NCBP1: variants seen among roughly 807,000 people sequenced by gnomAD.
NCBP1 encodes nuclear cap binding protein subunit 1.
In NCBP1, 16 loss-of-function variants were observed where a neutral mutation model predicts 111.7. The observed-to-expected ratio is 0.14, with a 90% confidence interval of 0.10 to 0.22. NCBP1 has a LOEUF of 0.22. Among genes scored for constraint, NCBP1 ranks in the 10% least tolerant of loss-of-function variants. The pLI is 1.00. For synonymous variants in NCBP1, 304 were observed against 314.3 expected (o/e 0.97, Z 0.35); for missense variants, 607 against 957.5 (o/e 0.63, Z 4.83).
At chr9:97,633,982 T>C (rs1371562547) in intron 1 of NCBP1, 67 bp downstream of exon 1, 21 of 1,490,586 alleles carry the variant, frequency 1.4e-5, no homozygotes, top group Non-Finnish European at 1.9e-5. Context: ...CGTCTTTGGG[T>C]GTCCACGGAA....
In NCBP1 at chr9:97,669,623, G is replaced by A. The variant is rs1310373726; in HGVS notation, c.2176G>A (p.Val726Ile). ...RFIMILTEHL[V>I]RCETDGTSVL... ...TATCATGATCTTGACCGAGCACCTA[G>A]TACGATGCGAAACTGATGGGACCAG... Residue 726 changes from valine to isoleucine, a missense_variant, in exon 22 of 23, where the codon GTA becomes ATA. Around this residue, in one of 9 missense-constraint regions of NCBP1, gnomAD observed 282 missense variants for 376.5 expected, o/e 0.75. Coordinates refer to ENST00000375147, the MANE Select transcript of NCBP1 (RefSeq NM_002486.5). 1 of 1,612,424 alleles carries A rather than the reference G, an allele frequency of 6.2e-7. No homozygotes were observed. Among genetic ancestry groups the A allele is most frequent in the East Asian group, 2.2e-5 (1 of 44,868 alleles).
At chr9:97,658,826 T>C in intron 15 of NCBP1, 83 bp downstream of exon 15, 1 of 1,123,920 alleles carries the variant, frequency 8.9e-7, no homozygotes, top group East Asian at 2.4e-5. Context: ...GTGGAGAAAT[T>C]GAACTTTTTC....
intron 15 of NCBP1, among the ~76,000 whole-genome samples, chr9:97,659,680 TATGC>T (rs1827776339): frequency 6.6e-6 from 1 of 152,186 alleles, no homozygotes; most frequent in South Asian, 2.1e-4. Flanking sequence ...ATCAAAGGTT[TATGC>T]AGTACTTAGA....
chr9:97,634,611 C>T (rs1341101252), intron 1 of NCBP1: 1 of 152,100 alleles, frequency 6.6e-6, no homozygotes, highest in Non-Finnish European at 1.5e-5. Context: ...TCAGTGTTGC[C>T]TTCATAAAGA....
chr9:97,644,021 A>G (rs1827269980), intron 4 of NCBP1, among the ~76,000 whole-genome samples: 1 of 152,168 alleles, frequency 6.6e-6, no homozygotes, highest in African/African-American at 2.4e-5. Flanking sequence ...CCTGGTGCAC[A>G]AGATGATTCC....
intron 21 of NCBP1, among the ~76,000 whole-genome samples, chr9:97,669,256 C>T (rs897567283): frequency 2.0e-5 from 3 of 151,864 alleles, no homozygotes; most frequent in Non-Finnish European, 2.9e-5. Flanking sequence ...TTAATTATTC[C>T]TCATTGCTGA....
chr9:97,635,824 T>C (rs1158688333), intron 1 of NCBP1: 1 of 152,240 alleles, frequency 6.6e-6, no homozygotes, highest in Non-Finnish European at 1.5e-5. Flanking sequence ...TGTTCTTTTC[T>C]TTGTTGTTCT....
At position 97,643,441 on chromosome 9, in the gene NCBP1, A is replaced by G. The variant is rs978717612; in HGVS notation, c.381+81A>G. On this transcript the variant is annotated intron_variant, in intron 4 of 22. Transcript: ENST00000375147. ...GTGAACTACAACCAAATAATTTAAA[A>G]TGCTCTCCTAAAACATTCTCATTCA... is the stretch of plus-strand genomic sequence containing the variant. 18 of 1,356,894 alleles carry G rather than the reference A, an allele frequency of 1.3e-5. No homozygotes were observed. The East Asian group carries it at 4.1e-4, about 31-fold the overall frequency. The allele number at this position is 1,356,894 out of a possible 1,614,324, so 84.1% of individuals were successfully genotyped here.
chr9:97,669,080 A>G, intron 21 of NCBP1, 106 bp downstream of exon 21: 1 of 1,272,156 alleles, frequency 7.9e-7, no homozygotes, highest in African/African-American at 1.5e-5. Context: ...ACATTCATTT[A>G]TAGAAGAGAT....
chr9:97,634,784 A>G (rs987796130), intron 1 of NCBP1, among the ~76,000 whole-genome samples: 5 of 152,234 alleles, frequency 3.3e-5, no homozygotes, highest in African/African-American at 1.2e-4. Flanking sequence ...AGTGTATAGT[A>G]GTGGTTAAGA....
rs572433946 is a variant in NCBP1 at position 97,665,226 on chromosome 9, T to C, written c.1901+783T>C. On this transcript the variant is annotated intron_variant, in intron 19 of 22. Coordinates refer to ENST00000375147, the MANE Select transcript of NCBP1 (RefSeq NM_002486.5). ...ATCTAAGGTTGTCATACCGGCCAGG[T>C]TGGCCTTCATAAACAAAGACAACAG... Among the ~76,000 whole-genome samples, 5 of 152,386 alleles carry C rather than the reference T, an allele frequency of 3.3e-5. No individual in the cohort carries two copies. In the East Asian group the frequency reaches 9.6e-4, roughly 29 times the overall value.
chr9:97,647,268 C>T (rs1341411719), intron 6 of NCBP1, among the ~76,000 whole-genome samples: 1 of 152,024 alleles, frequency 6.6e-6, no homozygotes, highest in East Asian at 1.9e-4. Flanking sequence ...TTATACTTTC[C>T]CAAAGAGATT....
chr9:97,637,852 G>A (rs2773351), intron 1 of NCBP1, among the ~76,000 whole-genome samples: 103,956 of 152,052 alleles, frequency 0.68, 36,062 homozygotes, highest in African/African-American at 0.78. Context: ...CAGTGTACCC[G>A]TATAAAATTA....
chr9:97,662,337 A>G (rs1203914262), intron 17 of NCBP1, among the ~76,000 whole-genome samples, 193 bp downstream of exon 17: 2 of 152,220 alleles, frequency 1.3e-5, no homozygotes, highest in African/African-American at 4.8e-5. Flanking sequence ...TACAGTTGGC[A>G]TATGTACATG....
At chr9:97,635,998 G>C (rs985373681) in intron 1 of NCBP1, 1 of 152,204 alleles carries the variant, frequency 6.6e-6, no homozygotes, top group African/African-American at 2.4e-5. Flanking sequence ...TTTAACACCA[G>C]CTGGCAGCCA....
chr9:97,653,863 C>A lies in NCBP1; in HGVS notation c.1125C>A (p.Leu375=), dbSNP rs769811529. The A allele has an allele frequency of 1.2e-6, 2 of 1,613,990 alleles. No homozygotes were observed. Among genetic ancestry groups the A allele is most frequent in the Non-Finnish European group, 1.7e-6 (2 of 1,180,010 alleles). The change falls in exon 11 of 23, where the codon CTC becomes CTA. Residue 375 remains leucine (L), a synonymous_variant. Coordinates refer to ENST00000375147, the MANE Select transcript of NCBP1 (RefSeq NM_002486.5). The part of the protein sequence containing the change: ...PPHIDVMYTT[L]LIELCKLQPG... ...ACATTGATGTGATGTACACAACACT[C>A]CTCATTGAACTGTGCAAACTTCAAC... is the stretch of plus-strand genomic sequence containing the variant.
At chr9:97,656,235 T>A in intron 14 of NCBP1, 150 bp downstream of exon 14, 2 of 675,270 alleles carry the variant, frequency 3.0e-6, no homozygotes, top group Non-Finnish European at 5.0e-6. Context: ...TAAGAAAAAT[T>A]AGGCAACCAT....
intron 8 of NCBP1, among the ~76,000 whole-genome samples, chr9:97,649,036 A>G (rs1311220928): frequency 6.6e-6 from 1 of 152,316 alleles, no homozygotes; most frequent in Admixed American, 6.5e-5. Flanking sequence ...TCTCAGTAAA[A>G]GTACCTAGTT....
chr9:97,652,696 C>T (rs1827532802), intron 10 of NCBP1, among the ~76,000 whole-genome samples: 1 of 152,172 alleles, frequency 6.6e-6, no homozygotes, highest in South Asian at 2.1e-4. Context: ...ACTGAGCTAG[C>T]TGGGCCTGAT....
Sources: allele counts gnomAD v4.1 joint callset (sites outside exome capture counted in the v4.1 genomes callset), GRCh38; gene constraint gnomAD v4.1.1; regional missense constraint gnomAD v4.1.1; transcripts MANE v1.5; gene names NCBI Gene and HGNC (gene_info 2026-07-23, HGNC 2026-07-21).